The following CATSPERD variants were observed in gnomAD, a reference collection of about 807,000 sequenced individuals.
The protein encoded by CATSPERD is catsper channel auxiliary subunit delta, also known as cation channel sperm-associated auxiliary subunit delta.
In CATSPERD, 86 loss-of-function variants were observed where a neutral mutation model predicts 98.1. That is an observed-to-expected ratio of 0.88 (90% CI 0.74 to 1.05). The LOEUF is 1.05. Ranked by LOEUF, CATSPERD falls within the 50% of genes least tolerant of loss-of-function variation. CATSPERD has a pLI of 0.00. For synonymous variants in CATSPERD, 394 were observed against 390.2 expected (o/e 1.01, Z -0.12); for missense variants, 995 against 1,005.7 (o/e 0.99, Z 0.14).
At chr19:5,722,331 C>A (rs2055504657) in intron 1 of CATSPERD, among the ~76,000 whole-genome samples, 1 of 152,074 alleles carries the variant, frequency 6.6e-6, no homozygotes, top group African/African-American at 2.4e-5. Context: ...CCATGTTGCC[C>A]AGGTTGGTCT....
intron 9 of CATSPERD, among the ~76,000 whole-genome samples, chr19:5,746,489 C>T (rs1421892388): frequency 1.3e-5 from 2 of 151,886 alleles, no homozygotes; most frequent in African/African-American, 4.8e-5. Context: ...AGTGCAGTGG[C>T]GCGATCTTGG....
intron 8 of CATSPERD, 30 bp from the exon 9 acceptor site, chr19:5,745,883 G>A (rs1230640783): frequency 1.2e-5 from 20 of 1,611,896 alleles, no homozygotes; most frequent in Admixed American, 1.7e-5. Context: ...AGGGTTTGGG[G>A]AGAGGCTGAA....
At chr19:5,766,707 T>C (rs2056545028) in intron 17 of CATSPERD, among the ~76,000 whole-genome samples, 1 of 151,832 alleles carries the variant, frequency 6.6e-6, no homozygotes, top group African/African-American at 2.4e-5. Flanking sequence ...ATTTTTTTTT[T>C]TTTGAGATGG....
rs762767140 is a variant in CATSPERD, at chr19:5,748,258, G to A, written c.904+3G>A. The A allele has an allele frequency of 5.0e-6, 8 of 1,612,840 alleles. No individual in the cohort carries two copies. Among genetic ancestry groups the A allele is most frequent in the Non-Finnish European group, 3.4e-6 (4 of 1,178,994 alleles). On this transcript the variant is annotated splice_donor_region_variant and intron_variant, in intron 10 of 21. Transcript: ENST00000381624. ...CACCATCCACAACATTGCTGTCAGT[G>A]CGTAGCCGACCCACTGCTAGCCAAG...
rs1260253188 is a variant in CATSPERD, at chr19:5,778,477, T to A, written c.2198T>A (p.Ile733Asn). Residue 733 changes from isoleucine (I) to asparagine (N), a missense_variant, in exon 22 of 22, where the codon ATC becomes AAC. Physicochemically the swap from Ile to Asn is moderately radical, Grantham distance 149. Transcript: ENST00000381624. ...GVVILLIISS[I>N]LGSVWLAYKT... ...GTCATCCTACTGATCATCTCCAGCATCCTGGGGTCCGTTTGGCTGGCCTAC... is the reference window on the plus strand; with the variant it reads ...GTCATCCTACTGATCATCTCCAGCAACCTGGGGTCCGTTTGGCTGGCCTAC... The A allele has an allele frequency of 6.2e-7, 1 of 1,614,044 alleles. No individual in the cohort carries two copies. Among genetic ancestry groups the A allele is most frequent in the South Asian group, 1.1e-5 (1 of 91,088 alleles).
intron 1 of CATSPERD, 120 bp from the exon 2 acceptor site, chr19:5,724,688 G>A (rs1448757411): frequency 1.0e-6 from 1 of 984,098 alleles, no homozygotes; most frequent in African/African-American, 1.6e-5. Flanking sequence ...GACAGAGTGA[G>A]ACTCCGTCCC....
chr19:5,740,762 CAAAA>C (rs59937872), intron 7 of CATSPERD, among the ~76,000 whole-genome samples: 1 of 36,492 alleles, frequency 2.7e-5, no homozygotes, highest in Non-Finnish European at 5.6e-5. Context: ...AACTCCGTCT[CAAAA>C]AAAAAAAAAA....
At chr19:5,768,344 A>ATTTATTTATTTAT (rs372798666) in intron 18 of CATSPERD, 102 bp downstream of exon 18, 3 of 686,746 alleles carry the variant, frequency 4.4e-6, no homozygotes, top group African/African-American at 2.3e-5. Context: ...TTATTTATTT[A>ATTTATTTATTTAT]TTATTATTAT....
At chr19:5,729,690 C>T (rs1269018587) in intron 3 of CATSPERD, among the ~76,000 whole-genome samples, 182 bp from the exon 4 acceptor site, 1 of 152,114 alleles carries the variant, frequency 6.6e-6, no homozygotes, top group East Asian at 1.9e-4. Context: ...ACTATTATTT[C>T]TGGAAGTCAA....
intron 20 of CATSPERD, chr19:5,775,206 G>A (rs572122810): frequency 2.1e-6 from 1 of 470,380 alleles, no homozygotes; most frequent in African/African-American, 2.0e-5. Flanking sequence ...AAGGAAGGGG[G>A]AACGAATGTA....
intron 17 of CATSPERD, among the ~76,000 whole-genome samples, chr19:5,767,465 G>A (rs1421254234): frequency 2.0e-5 from 3 of 149,876 alleles, no homozygotes; most frequent in Non-Finnish European, 4.4e-5. Context: ...TGCATTAGAC[G>A]CAAAGGTGTG....
chr19:5,767,165 A>G (rs2056553894), intron 17 of CATSPERD, among the ~76,000 whole-genome samples: 1 of 150,538 alleles, frequency 6.6e-6, no homozygotes, highest in South Asian at 2.1e-4. Flanking sequence ...AAAATACAAA[A>G]AATTAGCCGG....
intron 16 of CATSPERD, among the ~76,000 whole-genome samples, chr19:5,765,715 G>A (rs1282598301): frequency 1.3e-5 from 2 of 152,078 alleles, no homozygotes; most frequent in Admixed American, 6.6e-5. Context: ...GGGAAGCTGA[G>A]GCAGGAGAAT....
intron 19 of CATSPERD, 132 bp from the exon 20 acceptor site, chr19:5,772,656 G>A: frequency 1.2e-6 from 1 of 847,984 alleles, no homozygotes; most frequent in Non-Finnish European, 1.9e-6. Flanking sequence ...GGGAGCGGCA[G>A]GCGTCCTTTG....
chr19:5,728,957 C>A (rs1401220415), intron 3 of CATSPERD, among the ~76,000 whole-genome samples: 2 of 151,296 alleles, frequency 1.3e-5, no homozygotes, highest in Non-Finnish European at 2.9e-5. Flanking sequence ...ACCTGGGTCT[C>A]CCAAAGTGCT....
Position 5,772,955 on chromosome 19 carries a change from G to A in CATSPERD, c.1931G>A (p.Trp644Ter). ...AAGGAATTCGGGGGGCCCTTCTTCT[G>A]GAACAGAGAGGTAACAGGACCCTAG... ...MIKEFGGPFF[W>*]NRENYVSCHD... The change falls in exon 20 of 22, where the codon TGG becomes TAG. Residue 644 changes from tryptophan (W) to a stop codon, truncating the protein, a stop_gained. Coordinates refer to ENST00000381624, the MANE Select transcript of CATSPERD (RefSeq NM_152784.4). LOFTEE classifies it high-confidence loss of function. The A allele has an allele frequency of 1.9e-6, 3 of 1,613,732 alleles. No individual in the cohort carries two copies. The highest frequency in any genetic ancestry group is 2.5e-6 in the Non-Finnish European group (3 of 1,179,854).
rs140331792 is a variant in CATSPERD, at chr19:5,755,668, G to C, written c.1278+1423G>C. On this transcript the variant is annotated intron_variant, in intron 13 of 21. Coordinates refer to ENST00000381624, the MANE Select transcript of CATSPERD (RefSeq NM_152784.4). ...CATGCCTGTAATCCCAGCTACTGGA[G>C]AGGCTGAGGCAGGAGAATCTCTTGA... Among the ~76,000 whole-genome samples, 337 of 152,208 alleles carry C rather than the reference G, an allele frequency of 2.2e-3. 2 individuals are homozygous for C. Among genetic ancestry groups the C allele is most frequent in the African/African-American group, 7.7e-3 (321 of 41,550 alleles).
chr19:5,772,963 G>A lies in CATSPERD; in HGVS notation c.1939G>A (p.Glu647Lys). The A allele has an allele frequency of 3.7e-6, 6 of 1,613,630 alleles. No homozygotes were observed. Among genetic ancestry groups the A allele is most frequent in the Non-Finnish European group, 5.1e-6 (6 of 1,179,782 alleles). The part of the protein sequence containing the change: ...EFGGPFFWNR[E>K]NYVSCHDPNN... ...CGGGGGGCCCTTCTTCTGGAACAGA[G>A]AGGTAACAGGACCCTAGGATCGTTT... Residue 647 changes from glutamate (E) to lysine (K), a missense_variant and splice_region_variant, in exon 20 of 22, where the codon GAG becomes AAG. Coordinates refer to ENST00000381624, the MANE Select transcript of CATSPERD (RefSeq NM_152784.4).
intron 5 of CATSPERD, among the ~76,000 whole-genome samples, chr19:5,735,173 G>A (rs1200447933): frequency 1.3e-5 from 2 of 152,064 alleles, no homozygotes; most frequent in African/African-American, 4.8e-5. Context: ...AGTCTCACTC[G>A]GTCACCCAGG....
Sources: gnomAD v4.1 joint callset for allele counts (sites outside exome capture counted in the v4.1 genomes callset) on GRCh38, gnomAD v4.1.1 for gene constraint, MANE v1.5 for transcripts, NCBI Gene and HGNC (gene_info 2026-07-23, HGNC 2026-07-21) for gene names.